Variants in ABI3BP observed in about 807,000 individuals in gnomAD.
ABI3BP encodes target of Nesh-SH3.
Under a neutral mutation model 268.6 loss-of-function variants are expected in ABI3BP, and 216 were observed. The observed-to-expected ratio is 0.80, with a 90% CI of 0.72 to 0.90. ABI3BP has a LOEUF of 0.90. Ranked by LOEUF, ABI3BP falls within the 40% of genes least tolerant of loss-of-function variation. The pLI, the probability that ABI3BP is intolerant of heterozygous loss-of-function variation, is 0.00. For missense variants in ABI3BP, 2,090 were observed against 2,182.4 expected, an observed-to-expected ratio of 0.96 and a Z score of 0.84; for synonymous variants, 730 against 730.0, an observed-to-expected ratio of 1.00 and a Z score of 0.00.
intron 20 of ABI3BP, among the ~76,000 whole-genome samples, chr3:100,845,350 A>G (rs946584361): frequency 1.3e-5 from 2 of 152,168 alleles, no homozygotes; most frequent in African/African-American, 4.8e-5. Context: ...GACCTCATCC[A>G]TGGTCACAGT....
chr3:100,753,523 C>G (rs548991236), intron 65 of ABI3BP, among the ~76,000 whole-genome samples: 5 of 152,180 alleles, frequency 3.3e-5, no homozygotes, highest in Non-Finnish European at 7.4e-5. Context: ...AGCTCCTGGG[C>G]TCAAGCAATC....
chr3:100,895,336 C>T (rs2047160928), intron 4 of ABI3BP, among the ~76,000 whole-genome samples: 2 of 152,024 alleles, frequency 1.3e-5, no homozygotes, highest in Admixed American at 6.6e-5. Flanking sequence ...AGACCCTATG[C>T]AAATAGGTAC....
chr3:100,926,283 C>T lies in ABI3BP; in HGVS notation c.259+19G>A, dbSNP rs768433212. On this transcript the variant is annotated intron_variant, in intron 2 of 67. Transcript: ENST00000471714. ...CTCTTACCTCCTTTCCTTCCCAGCC[C>T]GATACCCAAACACCTTACCAACTAT... is the stretch of plus-strand genomic sequence containing the variant. 1.5e-5 allele frequency: 24 copies of T among 1,611,558 alleles called. No individual in the cohort carries two copies. Among genetic ancestry groups the T allele is most frequent in the South Asian group, 1.4e-4 (13 of 90,892 alleles).
At chr3:100,953,335 T>C (rs1054830665) in intron 1 of ABI3BP, among the ~76,000 whole-genome samples, 4 of 152,158 alleles carry the variant, frequency 2.6e-5, no homozygotes, top group Non-Finnish European at 1.5e-5. Flanking sequence ...ACGTGACTCC[T>C]TAATGCTCAC....
At chr3:100,762,220 C>G (rs2096007921) in intron 63 of ABI3BP, among the ~76,000 whole-genome samples, 2 of 152,168 alleles carry the variant, frequency 1.3e-5, no homozygotes, top group South Asian at 2.1e-4. Flanking sequence ...GTAGAAGAAA[C>G]ACAATGGAAA....
At chr3:100,934,045 C>A (rs1046514662) in intron 1 of ABI3BP, among the ~76,000 whole-genome samples, 2 of 151,936 alleles carry the variant, frequency 1.3e-5, no homozygotes, top group Non-Finnish European at 2.9e-5. Flanking sequence ...ATGTTTGTTA[C>A]ATAAGTATAC....
At chr3:100,963,333 A>G (rs893494977) in intron 1 of ABI3BP, among the ~76,000 whole-genome samples, 3 of 152,180 alleles carry the variant, frequency 2.0e-5, no homozygotes, top group Non-Finnish European at 4.4e-5. Flanking sequence ...GAAACCCAGG[A>G]GTCATTTTTG....
In ABI3BP at chr3:100,816,064, TAC is replaced by T. The variant is rs1221384872; in HGVS notation, c.3230-95_3230-94del. On this transcript the variant is annotated intron_variant, in intron 43 of 67. Coordinates refer to ENST00000471714, the MANE Select transcript of ABI3BP (RefSeq NM_001375547.2). The stretch of plus-strand genomic sequence containing the variant: ...ATTTTAAAACATGAGTTTCAAATGA[TAC>T]ACAATTTTTTAAAACTTTTGAATTG... The T allele has an allele frequency of 1.1e-5, 11 of 991,056 alleles. No homozygotes were observed. The African/African-American group carries it at 1.6e-4, about 15-fold the overall frequency. 61.4% of individuals were successfully genotyped at this position (991,056 alleles called of 1,614,324 possible). A position where few individuals can be genotyped will look rare whatever the true frequency, so the allele number is the denominator to read the frequency against.
At chr3:100,834,231 G>A (rs987475295) in intron 29 of ABI3BP, among the ~76,000 whole-genome samples, 7 of 152,098 alleles carry the variant, frequency 4.6e-5, no homozygotes, top group Non-Finnish European at 1.0e-4. Context: ...AAGAATTAAC[G>A]ATGTGCCTAA....
chr3:100,840,233 C>T (rs1014216179), intron 22 of ABI3BP, 69 bp from the exon 23 acceptor site: 1 of 1,209,860 alleles, frequency 8.3e-7, no homozygotes, highest in African/African-American at 1.5e-5. Context: ...AATATTACAT[C>T]CATCTTAGAA....
Position 100,813,726 on chromosome 3 carries a change from T to A in ABI3BP, c.3299A>T (p.Glu1100Val). The A allele has an allele frequency of 6.5e-7, 1 of 1,535,324 alleles. No individual in the cohort carries two copies. Among genetic ancestry groups the A allele is most frequent in the Non-Finnish European group, 8.7e-7 (1 of 1,146,348 alleles). ...DAPGTTFALT[E>V]LQTLILKPVT... ...TGGTTTCAAAATAAGAGTTTGCAGT[T>A]CAGTCAGAGCTGAAAGAAGAGGGTC... Residue 1100 changes from glutamate (E) to valine (V), a missense_variant, in exon 45 of 68, where the codon GAA (glutamate) becomes GTA (valine). Glu to Val is a moderately radical substitution (Grantham distance 121). Coordinates refer to ENST00000471714, the MANE Select transcript of ABI3BP (RefSeq NM_001375547.2).
chr3:100,886,414 A>C (rs533888591), intron 4 of ABI3BP, 91 bp from the exon 5 acceptor site: 4 of 939,308 alleles, frequency 4.3e-6, no homozygotes, highest in Non-Finnish European at 4.4e-6. Flanking sequence ...ATTTCAACCA[A>C]CTTGGGATAC....
At chr3:100,863,322 C>CTTT (rs566804509) in intron 12 of ABI3BP, 2,042 of 149,812 alleles carry the variant, frequency 0.014, 40 homozygotes, top group African/African-American at 0.048. Flanking sequence ...CCCCCAACCT[C>CTTT]TTTTTTTTTT....
intron 1 of ABI3BP, among the ~76,000 whole-genome samples, chr3:100,977,185 A>C (rs2086664847): frequency 6.6e-6 from 1 of 152,208 alleles, no homozygotes; most frequent in Admixed American, 6.5e-5. Context: ...AAGATTATTT[A>C]CACTTCTCAT....
intron 49 of ABI3BP, among the ~76,000 whole-genome samples, chr3:100,809,350 A>T (rs1395602241): frequency 6.6e-6 from 1 of 152,054 alleles, no homozygotes; most frequent in Non-Finnish European, 1.5e-5. Context: ...CTACTTACTA[A>T]GGTTCTAACT....
At chr3:100,977,057 TCA>T (rs2086591718) in intron 1 of ABI3BP, among the ~76,000 whole-genome samples, 1 of 152,234 alleles carries the variant, frequency 6.6e-6, no homozygotes, top group Admixed American at 6.5e-5. Context: ...GCATTTATGC[TCA>T]GTTTTTTTGT....
At chr3:100,897,663 T>C (rs902871012) in intron 4 of ABI3BP, among the ~76,000 whole-genome samples, 6 of 152,318 alleles carry the variant, frequency 3.9e-5, no homozygotes, top group Admixed American at 1.3e-4. Flanking sequence ...GGAAAGTACT[T>C]TCTAGAGTGA....
At chr3:100,878,181 A>T (rs1257521818) in intron 6 of ABI3BP, among the ~76,000 whole-genome samples, 1 of 152,216 alleles carries the variant, frequency 6.6e-6, no homozygotes, top group East Asian at 1.9e-4. Flanking sequence ...GATAGTTCAA[A>T]AATTTGACTT....
intron 20 of ABI3BP, among the ~76,000 whole-genome samples, chr3:100,845,905 A>G (rs2098761753): frequency 6.6e-6 from 1 of 151,482 alleles, no homozygotes; most frequent in African/African-American, 2.4e-5. Context: ...AACAGAGGTC[A>G]GTGTTCAGAA....
Sources: gnomAD v4.1 joint callset for allele counts (sites outside exome capture counted in the v4.1 genomes callset) on GRCh38, gnomAD v4.1.1 for gene constraint, MANE v1.5 for transcripts, NCBI Gene and HGNC (gene_info 2026-07-23, HGNC 2026-07-21) for gene names.